Variants in PRKCH observed in about 807,000 individuals in gnomAD.
The protein encoded by PRKCH is protein kinase C eta, also known as protein kinase C eta type.
A neutral mutation model predicts 82.5 loss-of-function variants in PRKCH; 28 were observed. The observed-to-expected ratio is 0.34, with a 90% CI of 0.25 to 0.47. PRKCH has a LOEUF of 0.47. Among genes scored for constraint, PRKCH ranks in the 20% least tolerant of loss-of-function variants. PRKCH has a pLI of 1.00. For missense variants in PRKCH, 705 were observed against 881.8 expected (o/e 0.80, Z 2.54); for synonymous variants, 322 against 327.4 (o/e 0.98, Z 0.18).
chr14:61,318,090 T>C (rs2045578606), upstream of PRKCH, among the ~76,000 whole-genome samples: 1 of 152,090 alleles, frequency 6.6e-6, no homozygotes, highest in African/African-American at 2.4e-5. Flanking sequence ...CTTTCTTTTT[T>C]TGAGACAGGA....
chr14:61,380,435 G>A (rs2046488358), intron 1 of PRKCH, among the ~76,000 whole-genome samples: 1 of 152,084 alleles, frequency 6.6e-6, no homozygotes, highest in Admixed American at 6.6e-5. Context: ...GCATCCTGGT[G>A]CTATACCAAG....
At chr14:61,211,261 A>G (rs141678859) in intron 1 of PRKCH, among the ~76,000 whole-genome samples, 2 of 152,344 alleles carry the variant, frequency 1.3e-5, no homozygotes, top group African/African-American at 4.8e-5. Flanking sequence ...GGTAAGCTAG[A>G]AGAACAGTGA....
At chr14:61,534,506 A>G (rs986909627) in intron 12 of PRKCH, among the ~76,000 whole-genome samples, 1 of 152,194 alleles carries the variant, frequency 6.6e-6, no homozygotes, top group African/African-American at 2.4e-5. Flanking sequence ...AGAGTTCCTC[A>G]TGTGAATAGT....
rs1392341560 is a variant in PRKCH at position 61,210,809 on chromosome 14, T to TGC, written c.-19+23142_-19+23143insCG. Among the ~76,000 whole-genome samples, 5 of 150,912 alleles carry TGC rather than the reference T, an allele frequency of 3.3e-5. No individual in the cohort carries two copies. In the South Asian group the frequency reaches 6.6e-4, roughly 20 times the overall value. On this transcript the variant is annotated intron_variant, in intron 1 of 3. Transcript: ENST00000555185. Reference sequence around the variant, plus strand: ...CTCTCTCTGTGTGTGTGTGTGTGTGTGTGTGCGTGCACGCGTGCATTCCAT... The same window carrying TGC: ...CTCTCTCTGTGTGTGTGTGTGTGTGTGCGTGTGCGTGCACGCGTGCATTCCAT...
intron 10 of PRKCH, among the ~76,000 whole-genome samples, chr14:61,527,415 A>C (rs2042981428): frequency 1.3e-5 from 2 of 152,084 alleles, no homozygotes; most frequent in Admixed American, 1.3e-4. Context: ...GCTTCTCTCT[A>C]TCCGTCTATC....
At chr14:61,296,732 T>C (rs1042111958) in intron 1 of PRKCH, among the ~76,000 whole-genome samples, 2 of 152,140 alleles carry the variant, frequency 1.3e-5, no homozygotes, top group African/African-American at 4.8e-5. Context: ...ATCCTAAACA[T>C]ATTATTTCAT....
rs541080060 is a variant in PRKCH, at chr14:61,454,228, C to T, written c.960+875C>T. On this transcript the variant is annotated intron_variant, in intron 7 of 13. Transcript: ENST00000332981. ...AAGCAATTCTCCTGCCTCAGCCTCC[C>T]GAGCAGCTGGAATTACAGGTGCCCA... Among the ~76,000 whole-genome samples, 4 of 152,112 alleles carry T rather than the reference C, an allele frequency of 2.6e-5. No homozygotes were observed. The East Asian group carries it at 5.8e-4, about 22-fold the overall frequency.
rs1003704529 is a variant in PRKCH at position 61,473,420 on chromosome 14, C to T, written c.1279-12082C>T. ...CAGAGGGAGGCTAATGGCAGCAGAT[C>T]TGGTGAGGATGCTGGGCCCGTGATC... is the stretch of plus-strand genomic sequence containing the variant. On this transcript the variant is annotated intron_variant, in intron 9 of 13. Coordinates refer to ENST00000332981, the MANE Select transcript of PRKCH (RefSeq NM_006255.5). Among the ~76,000 whole-genome samples, 4 of 152,278 alleles carry T rather than the reference C, an allele frequency of 2.6e-5. 1 individual carries two copies. The highest frequency in any genetic ancestry group is 1.9e-4 in the East Asian group (1 of 5,180).
intron 1 of PRKCH, among the ~76,000 whole-genome samples, chr14:61,346,347 T>C (rs1049651495): frequency 6.6e-6 from 1 of 152,238 alleles, no homozygotes; most frequent in African/African-American, 2.4e-5. Context: ...CTCCTAACAG[T>C]GAATTCCTAG....
At chr14:61,368,799 G>A (rs1350163176) in intron 1 of PRKCH, among the ~76,000 whole-genome samples, 1 of 152,046 alleles carries the variant, frequency 6.6e-6, no homozygotes, top group Non-Finnish European at 1.5e-5. Flanking sequence ...TAAAATTTTT[G>A]TACCCTTTGA....
intron 2 of PRKCH, among the ~76,000 whole-genome samples, chr14:61,410,748 C>T (rs1196118156): frequency 6.6e-6 from 1 of 152,202 alleles, no homozygotes; most frequent in East Asian, 1.9e-4. Flanking sequence ...CACCCGACCT[C>T]TATCCCTGTT....
At chr14:61,233,918 C>G (rs1478598708) in intron 1 of PRKCH, among the ~76,000 whole-genome samples, 2 of 152,128 alleles carry the variant, frequency 1.3e-5, no homozygotes, top group African/African-American at 2.4e-5. Flanking sequence ...TCCCTTATTC[C>G]ATAACCCATT....
intron 10 of PRKCH, among the ~76,000 whole-genome samples, chr14:61,517,471 G>A (rs1303816101): frequency 6.6e-6 from 1 of 152,206 alleles, no homozygotes; most frequent in Non-Finnish European, 1.5e-5. Context: ...TGGGTAGACA[G>A]GCTAAGACGT....
At chr14:61,458,316 A>G (rs1048486424) in intron 9 of PRKCH, among the ~76,000 whole-genome samples, 15 of 152,384 alleles carry the variant, frequency 9.8e-5, no homozygotes, top group Admixed American at 9.1e-4. Flanking sequence ...AGTTTGGTTC[A>G]TTAGTACAAA....
At chr14:61,530,123 C>G (rs2043026424) in intron 11 of PRKCH, among the ~76,000 whole-genome samples, 1 of 151,864 alleles carries the variant, frequency 6.6e-6, no homozygotes, top group Non-Finnish European at 1.5e-5. Context: ...TTTTTCCAGA[C>G]TGATATATTT....
chr14:61,391,312 T>G (rs377655627), intron 2 of PRKCH, 24 bp downstream of exon 2: 1 of 1,567,494 alleles, frequency 6.4e-7, no homozygotes, highest in Non-Finnish European at 8.7e-7. Context: ...TTGGGTAGTT[T>G]CCAGAATACA....
chr14:61,522,285 C>T (rs1176993920), intron 10 of PRKCH, among the ~76,000 whole-genome samples: 1 of 152,184 alleles, frequency 6.6e-6, no homozygotes. Context: ...ATGATCTCCT[C>T]ATGTTCATTC....
intron 1 of PRKCH, among the ~76,000 whole-genome samples, chr14:61,352,689 G>GGAAGGAAA (rs1555378085): frequency 7.9e-5 from 10 of 126,456 alleles, no homozygotes; most frequent in Non-Finnish European, 1.6e-4. Context: ...AGAAAGGAAA[G>GGAAGGAAA]GAAAGAAAGA....
chr14:61,399,055 A>G (rs2046826815), intron 2 of PRKCH, among the ~76,000 whole-genome samples: 1 of 152,208 alleles, frequency 6.6e-6, no homozygotes. Context: ...TCCATTAGAA[A>G]TACACTTAAA....
Sources: gnomAD v4.1 joint callset for allele counts (sites outside exome capture counted in the v4.1 genomes callset) on GRCh38, gnomAD v4.1.1 for gene constraint, MANE v1.5 for transcripts, NCBI Gene and HGNC (gene_info 2026-07-23, HGNC 2026-07-21) for gene names.